Variants in NRXN3 observed in about 807,000 individuals in gnomAD.
NRXN3 encodes the protein neurexin III.
NRXN3 carries 32 observed loss-of-function variants against 137.6 expected under a neutral mutation model. That is an observed-to-expected ratio of 0.23 (90% CI 0.18 to 0.31). NRXN3 has a LOEUF of 0.31. NRXN3 is among the 10% of genes least tolerant of loss of function. The pLI is 1.00. For missense variants in NRXN3, 1,574 were observed against 2,062.5 expected (o/e 0.76, Z 4.59); for synonymous variants, 798 against 784.5 (o/e 1.02, Z -0.29).
chr14:79,624,804 TTTGTTTTTG>T (rs1567699369), intron 16 of NRXN3, among the ~76,000 whole-genome samples: 1 of 83,702 alleles, frequency 1.2e-5, no homozygotes, highest in African/African-American at 7.5e-5. Context: ...TTTTTTTTTG[TTTGTTTTTG>T]TTTTTTTTTA....
intron 15 of NRXN3, among the ~76,000 whole-genome samples, chr14:79,249,261 A>G (rs2075626181): frequency 6.6e-6 from 1 of 152,220 alleles, no homozygotes; most frequent in South Asian, 2.1e-4. Context: ...GGGGGTACTC[A>G]TTACAAAACT....
At chr14:78,293,495 C>G (rs2076008423) in intron 3 of NRXN3, among the ~76,000 whole-genome samples, 1 of 152,118 alleles carries the variant, frequency 6.6e-6, no homozygotes, top group African/African-American at 2.4e-5. Context: ...ACTGTTTCCC[C>G]CAGTCTCCCA....
chr14:78,908,346 T>C (rs529851883), intron 10 of NRXN3, among the ~76,000 whole-genome samples: 1 of 152,182 alleles, frequency 6.6e-6, no homozygotes, highest in South Asian at 2.1e-4. Context: ...TAGTCAGTCA[T>C]GATACTTTGG....
intron 4 of NRXN3, among the ~76,000 whole-genome samples, chr14:78,540,049 A>C (rs1371785563): frequency 6.6e-6 from 1 of 152,146 alleles, no homozygotes; most frequent in Non-Finnish European, 1.5e-5. Flanking sequence ...TTTTGGAATA[A>C]GCGCGATGTG....
At chr14:78,278,007 C>T (rs1254880398) in intron 2 of NRXN3, among the ~76,000 whole-genome samples, 1 of 152,196 alleles carries the variant, frequency 6.6e-6, no homozygotes, top group Non-Finnish European at 1.5e-5. Context: ...ATGATCTACT[C>T]ACACACAATC....
At chr14:79,360,371 C>A (rs1314742143) in intron 15 of NRXN3, among the ~76,000 whole-genome samples, 1 of 152,220 alleles carries the variant, frequency 6.6e-6, no homozygotes, top group Non-Finnish European at 1.5e-5. Flanking sequence ...TCCCAAAGTG[C>A]TAGGATTACA....
At chr14:79,521,457 C>T (rs939587268) in intron 16 of NRXN3, among the ~76,000 whole-genome samples, 3 of 152,016 alleles carry the variant, frequency 2.0e-5, no homozygotes, top group Admixed American at 6.6e-5. Flanking sequence ...CTCTCAGTCT[C>T]GACAAATATA....
At chr14:79,485,618 T>G (rs900558963) in intron 16 of NRXN3, among the ~76,000 whole-genome samples, 5 of 152,164 alleles carry the variant, frequency 3.3e-5, no homozygotes, top group Admixed American at 6.6e-5. Context: ...CTGTGTAGCT[T>G]CTCTGATATT....
intron 4 of NRXN3, among the ~76,000 whole-genome samples, chr14:78,634,839 T>C (rs1601677259): frequency 6.6e-6 from 1 of 152,288 alleles, no homozygotes; most frequent in South Asian, 2.1e-4. Context: ...GCTATGTGTA[T>C]GTATGTGTAT....
At chr14:79,419,535 C>T (rs1195598851) in intron 15 of NRXN3, among the ~76,000 whole-genome samples, 1 of 152,038 alleles carries the variant, frequency 6.6e-6, no homozygotes, top group African/African-American at 2.4e-5. Context: ...AGAAAACCAT[C>T]CTTCTCATTT....
At chr14:79,484,409 C>T (rs1050875068) in intron 16 of NRXN3, among the ~76,000 whole-genome samples, 1 of 152,124 alleles carries the variant, frequency 6.6e-6, no homozygotes, top group Admixed American at 6.6e-5. Flanking sequence ...TAAACCTCCT[C>T]CAACGCACAA....
intron 6 of NRXN3, among the ~76,000 whole-genome samples, chr14:78,667,473 G>GA (rs2097896735): frequency 6.6e-6 from 1 of 152,108 alleles, no homozygotes; most frequent in Non-Finnish European, 1.5e-5. Context: ...CAATCCCTTT[G>GA]AAAACAGAGT....
At chr14:79,676,890 G>C (rs1043312373) in intron 17 of NRXN3, among the ~76,000 whole-genome samples, 2 of 151,936 alleles carry the variant, frequency 1.3e-5, no homozygotes, top group African/African-American at 2.4e-5. Flanking sequence ...GCCCTATAGT[G>C]CAAGAAAAGT....
intron 19 of NRXN3, among the ~76,000 whole-genome samples, chr14:79,804,852 G>A (rs1174572739): frequency 6.6e-6 from 1 of 152,086 alleles, no homozygotes; most frequent in East Asian, 1.9e-4. Context: ...GGATGGGTGA[G>A]GCTTAAGTCT....
At position 79,087,992 on chromosome 14, in the gene NRXN3, C is replaced by T. The variant is rs549228854; in HGVS notation, c.3262+99851C>T. On this transcript the variant is annotated intron_variant, in intron 15 of 20. Transcript: ENST00000335750. Reference sequence around the variant, plus strand: ...CCAGTATTTGGATGAGTTGGAGCAACGTCAGAATGATTGGAAATTGCTCAA... The same window carrying T: ...CCAGTATTTGGATGAGTTGGAGCAATGTCAGAATGATTGGAAATTGCTCAA... Among the ~76,000 whole-genome samples, 10 of 139,982 alleles carry T rather than the reference C, an allele frequency of 7.1e-5. 3 individuals are homozygous for T. The highest frequency in any genetic ancestry group is 3.0e-4 in the African/African-American group (9 of 29,964). The allele number at this position is 139,982 out of a possible 152,430, so 91.8% of individuals were successfully genotyped here.
chr14:78,519,925 A>G (rs1413269811), intron 4 of NRXN3, among the ~76,000 whole-genome samples: 1 of 152,210 alleles, frequency 6.6e-6, no homozygotes, highest in African/African-American at 2.4e-5. Context: ...CCCTAATACT[A>G]GGTATGCAAC....
intron 16 of NRXN3, among the ~76,000 whole-genome samples, chr14:79,645,432 A>G (rs1385378923): frequency 1.5e-5 from 2 of 133,674 alleles, no homozygotes; most frequent in African/African-American, 4.9e-5. Flanking sequence ...CCTGGCCAAC[A>G]TGGTGAAACC....
chr14:79,188,105 G>T (rs2063752162), intron 15 of NRXN3, among the ~76,000 whole-genome samples: 1 of 152,090 alleles, frequency 6.6e-6, no homozygotes, highest in Non-Finnish European at 1.5e-5. Flanking sequence ...ACATTGCAAA[G>T]AAAACATCTG....
At chr14:78,646,081 A>G (rs2097685036) in intron 5 of NRXN3, among the ~76,000 whole-genome samples, 2 of 151,788 alleles carry the variant, frequency 1.3e-5, no homozygotes, top group Non-Finnish European at 2.9e-5. Context: ...AGGCCTGGAA[A>G]GTGGAAGGAC....
Sources: allele counts gnomAD v4.1 joint callset (sites outside exome capture counted in the v4.1 genomes callset), GRCh38; gene constraint gnomAD v4.1.1; transcripts MANE v1.5; gene names NCBI Gene and HGNC (gene_info 2026-07-23, HGNC 2026-07-21).